The following ARHGAP40 variants were observed in gnomAD, a reference collection of about 807,000 sequenced individuals.
ARHGAP40 encodes Rho GTPase activating protein 40.
Under a neutral mutation model 73.5 loss-of-function variants are expected in ARHGAP40, and 43 were observed. That is an observed-to-expected ratio of 0.58 (90% CI 0.46 to 0.75). The LOEUF is 0.75. Among genes scored for constraint, ARHGAP40 ranks in the 30% least tolerant of loss-of-function variants. The pLI, the probability that ARHGAP40 is intolerant of heterozygous loss-of-function variation, is 0.00. For missense variants in ARHGAP40, 734 were observed against 861.8 expected (o/e 0.85, Z 1.86); for synonymous variants, 300 against 352.8 (o/e 0.85, Z 1.68).
intron 2 of ARHGAP40, among the ~76,000 whole-genome samples, 168 bp downstream of exon 2, chr20:38,623,726 C>T (rs1047857581): frequency 4.6e-5 from 7 of 152,230 alleles, no homozygotes; most frequent in Admixed American, 2.0e-4. Context: ...GTGATCCTTA[C>T]TGTCTGTTCT....
exon 6 of ARHGAP40, chr20:38,634,781 G>A (rs112932208): frequency 1.1e-5 from 14 of 1,280,984 alleles, no homozygotes; most frequent in Non-Finnish European, 1.2e-5. Context: ...AGTGGAAAGC[G>A]GCAGGTGAGC....
intron 8 of ARHGAP40, 124 bp downstream of exon 8, chr20:38,638,962 G>T (rs996930409): frequency 1.3e-4 from 124 of 926,970 alleles, no homozygotes; most frequent in Non-Finnish European, 1.7e-4. Flanking sequence ...TGTGTGGGTC[G>T]AGGGTTTGAG....
At chr20:38,645,161 T>C (rs1343896452) in intron 11 of ARHGAP40, among the ~76,000 whole-genome samples, 19 of 151,438 alleles carry the variant, frequency 1.3e-4, no homozygotes, top group East Asian at 1.9e-4. Context: ...TTTTTTTTTT[T>C]CTAAGGGCAG....
intron 1 of ARHGAP40, among the ~76,000 whole-genome samples, chr20:38,602,885 T>C (rs2088743672): frequency 6.6e-6 from 1 of 152,224 alleles, no homozygotes; most frequent in Non-Finnish European, 1.5e-5. Context: ...TTTATGGATA[T>C]CTTTGGTTAA....
chr20:38,604,553 G>A (rs1028266832), intron 1 of ARHGAP40, among the ~76,000 whole-genome samples: 1 of 152,028 alleles, frequency 6.6e-6, no homozygotes, highest in Admixed American at 6.5e-5. Context: ...GCGCCACCAC[G>A]CCTGGCTAAT....
intron 1 of ARHGAP40, among the ~76,000 whole-genome samples, chr20:38,619,267 A>G (rs1234086535): frequency 1.3e-5 from 2 of 152,122 alleles, no homozygotes; most frequent in Non-Finnish European, 2.9e-5. Flanking sequence ...GAGGATTCCT[A>G]GATGCGGTGA....
At chr20:38,607,145 C>A (rs1471828443) in intron 1 of ARHGAP40, among the ~76,000 whole-genome samples, 1 of 152,202 alleles carries the variant, frequency 6.6e-6, no homozygotes, top group Non-Finnish European at 1.5e-5. Context: ...TTGGAGCTGA[C>A]TCCAAATAGC....
At chr20:38,605,778 A>T (rs1402365048) in intron 1 of ARHGAP40, among the ~76,000 whole-genome samples, 1 of 152,274 alleles carries the variant, frequency 6.6e-6, no homozygotes, top group Non-Finnish European at 1.5e-5. Flanking sequence ...ATCCATGCAC[A>T]TAATTGTACT....
At chr20:38,618,913 A>T (rs2088858472) in intron 1 of ARHGAP40, among the ~76,000 whole-genome samples, 1 of 152,190 alleles carries the variant, frequency 6.6e-6, no homozygotes, top group African/African-American at 2.4e-5. Flanking sequence ...CCACCTCCCC[A>T]TGGGAGGACT....
chr20:38,630,730 AAAAG>A (rs923303319), intron 5 of ARHGAP40, among the ~76,000 whole-genome samples: 2 of 152,098 alleles, frequency 1.3e-5, no homozygotes, highest in African/African-American at 2.4e-5. Flanking sequence ...GTAATATGGA[AAAAG>A]AAAGAAAGAA....
chr20:38,609,572 C>A (rs1235856517), intron 1 of ARHGAP40, among the ~76,000 whole-genome samples: 3 of 152,216 alleles, frequency 2.0e-5, no homozygotes, highest in Non-Finnish European at 4.4e-5. Context: ...CAGGCAATGA[C>A]CATGGAGGGC....
chr20:38,643,614 C>T (rs1298187381), intron 10 of ARHGAP40, 90 bp from the exon 11 acceptor site: 3 of 1,096,870 alleles, frequency 2.7e-6, no homozygotes, highest in East Asian at 6.0e-5. Context: ...TTCCTAGCAC[C>T]CCCTTATCAT....
At chr20:38,608,472 GT>G (rs2088785739) in intron 1 of ARHGAP40, among the ~76,000 whole-genome samples, 1 of 152,126 alleles carries the variant, frequency 6.6e-6, no homozygotes, top group African/African-American at 2.4e-5. Context: ...GCAGCCTTGT[GT>G]TTTCATGTTT....
intron 1 of ARHGAP40, among the ~76,000 whole-genome samples, chr20:38,604,257 G>A (rs764293480): frequency 5.3e-5 from 8 of 152,138 alleles, no homozygotes; most frequent in Admixed American, 4.6e-4. Context: ...ATAAGAGCTC[G>A]TGACCCATTG....
chr20:38,616,822 G>A (rs926026570), intron 1 of ARHGAP40, among the ~76,000 whole-genome samples: 1 of 152,200 alleles, frequency 6.6e-6, no homozygotes, highest in African/African-American at 2.4e-5. Context: ...ATGCTTTGGC[G>A]TCTAGTGGGT....
rs8118958 is a variant in ARHGAP40, at chr20:38,628,711, A to G, written c.559-216A>G. On this transcript the variant is annotated intron_variant, in intron 3 of 14. Transcript: ENST00000373345. ...GCACCTCTGAAGTGGCATAGCAGTG[A>G]TTAAAACCACAGGCTTTGGAGCCAG... Among the ~76,000 whole-genome samples, 637 of 152,304 alleles carry G rather than the reference A, an allele frequency of 4.2e-3. 10 individuals are homozygous for G. Among genetic ancestry groups the G allele is most frequent in the African/African-American group, 0.015 (611 of 41,570 alleles).
At chr20:38,627,208 A>G (rs778818308) in exon 3 of ARHGAP40, 2 of 1,305,238 alleles carry the variant, frequency 1.5e-6, no homozygotes, top group East Asian at 5.5e-5. Context: ...GGGGTCTTCA[A>G]TTCAGGGGTA....
intron 10 of ARHGAP40, among the ~76,000 whole-genome samples, chr20:38,643,159 C>A (rs1177469757): frequency 1.0e-4 from 14 of 140,684 alleles, no homozygotes; most frequent in African/African-American, 2.9e-4. Context: ...AAAAAAAAAA[C>A]AAAAAACAAA....
intron 5 of ARHGAP40, among the ~76,000 whole-genome samples, chr20:38,633,632 G>C (rs1165174385): frequency 1.3e-5 from 2 of 152,316 alleles, no homozygotes. Context: ...CAAGCACTAG[G>C]CTGTATTATA....
Sources: allele counts gnomAD v4.1 joint callset (sites outside exome capture counted in the v4.1 genomes callset), GRCh38; gene constraint gnomAD v4.1.1; transcripts MANE v1.5; gene names NCBI Gene and HGNC (gene_info 2026-07-23, HGNC 2026-07-21).